GRIK4: variants seen among roughly 807,000 people sequenced by gnomAD.
The protein encoded by GRIK4 is glutamate receptor ionotropic, kainate 4.
In GRIK4, 40 loss-of-function variants were observed where a neutral mutation model predicts 104.9. That is an observed-to-expected ratio of 0.38 (90% CI 0.30 to 0.50). The LOEUF is 0.50. Ranked by LOEUF, GRIK4 falls within the 20% of genes least tolerant of loss-of-function variation. The pLI is 0.93. For synonymous variants in GRIK4, 485 were observed against 524.9 expected (o/e 0.92, Z 1.04); for missense variants, 1,047 against 1,308.1 (o/e 0.80, Z 3.08).
chr11:120,953,072 A>G lies in GRIK4; in HGVS notation c.1700+108A>G. 1.4e-6 allele frequency: 1 copy of G among 720,094 alleles called. No homozygotes were observed. The highest frequency in any genetic ancestry group is 2.4e-6 in the Non-Finnish European group (1 of 417,014). 44.6% of individuals were successfully genotyped at this position (720,094 alleles called of 1,614,324 possible). On this transcript the variant is annotated intron_variant, in intron 15 of 20. Coordinates refer to ENST00000527524, the MANE Select transcript of GRIK4 (RefSeq NM_014619.5). This position sits in a 1 kb window ranked among gnomAD's most constrained non-coding sequence, Gnocchi z 4.9. Reference sequence around the variant, plus strand: ...AGGAGAGGGGGAGGAGGAGTTGGGAAGATCTTGGTGCCAAACTAGAAGGAC... The same window carrying G: ...AGGAGAGGGGGAGGAGGAGTTGGGAGGATCTTGGTGCCAAACTAGAAGGAC...
intron 8 of GRIK4, among the ~76,000 whole-genome samples, chr11:120,855,822 CAAAATG>C (rs1954092211): frequency 6.6e-6 from 1 of 152,228 alleles, no homozygotes; most frequent in Non-Finnish European, 1.5e-5. Flanking sequence ...CTTGGCCTCG[CAAAATG>C]CTGGGATTAT....
intron 3 of GRIK4, among the ~76,000 whole-genome samples, chr11:120,686,391 A>G (rs529874183): frequency 6.6e-6 from 1 of 152,320 alleles, no homozygotes; most frequent in South Asian, 2.1e-4. Flanking sequence ...CACTTATAGT[A>G]CCTAAATCAC....
intron 20 of GRIK4, among the ~76,000 whole-genome samples, chr11:120,983,484 G>A (rs1944686386): frequency 6.6e-6 from 1 of 152,210 alleles, no homozygotes; most frequent in Non-Finnish European, 1.5e-5. Context: ...GGACTTTGGT[G>A]TGTCCCTTGA....
chr11:120,666,666 G>A (rs1425441059), intron 3 of GRIK4, among the ~76,000 whole-genome samples: 1 of 152,192 alleles, frequency 6.6e-6, no homozygotes, highest in Non-Finnish European at 1.5e-5. Flanking sequence ...TTGGTATGTG[G>A]CTGCCTGTGT....
rs150882527 is a variant in GRIK4, at chr11:120,608,053, C to T, written c.-158-45632C>T. Among the ~76,000 whole-genome samples, 5 of 152,196 alleles carry T rather than the reference C, an allele frequency of 3.3e-5. No individual in the cohort carries two copies. The South Asian group carries it at 6.2e-4, about 19-fold the overall frequency. On this transcript the variant is annotated intron_variant, in intron 1 of 20. Coordinates refer to ENST00000527524, the MANE Select transcript of GRIK4 (RefSeq NM_014619.5). ...GGCTTTTGCAGGGAATGTTTTCAGT[C>T]GTGTGGTAAGGAGCAGAAGCCAGAG...
chr11:120,659,193 T>C (rs962981770), intron 2 of GRIK4, among the ~76,000 whole-genome samples: 2 of 152,086 alleles, frequency 1.3e-5, no homozygotes, highest in Admixed American at 1.3e-4. Context: ...ACGTGCTGCC[T>C]TGGGGAGAGG....
intron 9 of GRIK4, chr11:120,870,306 T>C (rs954288521): frequency 1.3e-5 from 2 of 152,196 alleles, no homozygotes; most frequent in African/African-American, 4.8e-5. Context: ...GAATGGGTGC[T>C]AGGTAGGCAG....
intron 19 of GRIK4, among the ~76,000 whole-genome samples, chr11:120,981,761 G>A (rs1591357021): frequency 1.3e-5 from 2 of 152,122 alleles, no homozygotes; most frequent in East Asian, 3.8e-4. Context: ...GTATTTTGGT[G>A]TCATGTCTCT....
chr11:120,547,153 C>T (rs1158503963), intron 1 of GRIK4, among the ~76,000 whole-genome samples: 3 of 152,230 alleles, frequency 2.0e-5, no homozygotes, highest in Non-Finnish European at 2.9e-5. Context: ...CTCCACTCAT[C>T]CTCAGGAGCC....
intron 1 of GRIK4, among the ~76,000 whole-genome samples, chr11:120,597,483 G>A (rs996164458): frequency 3.3e-5 from 5 of 152,146 alleles, no homozygotes; most frequent in Admixed American, 3.3e-4. Context: ...ACCGAGCCCC[G>A]GGCGCCCCCA....
intron 1 of GRIK4, among the ~76,000 whole-genome samples, chr11:120,645,057 T>C (rs967982644): frequency 7.9e-5 from 12 of 152,206 alleles, no homozygotes; most frequent in Admixed American, 2.6e-4. Context: ...TATGTACATA[T>C]GTGTGTACGG....
intron 1 of GRIK4, among the ~76,000 whole-genome samples, chr11:120,599,282 T>C (rs1317201217): frequency 6.6e-6 from 1 of 152,244 alleles, no homozygotes; most frequent in Non-Finnish European, 1.5e-5. Flanking sequence ...ATGATTGTTA[T>C]TAATATTTCC....
intron 1 of GRIK4, among the ~76,000 whole-genome samples, chr11:120,514,579 G>A (rs1370891245): frequency 1.3e-5 from 2 of 152,058 alleles, no homozygotes; most frequent in African/African-American, 4.8e-5. Context: ...ATGGCTCACC[G>A]TTTTCACCCC....
intron 3 of GRIK4, among the ~76,000 whole-genome samples, chr11:120,741,337 G>T (rs1003231603): frequency 6.8e-6 from 1 of 146,604 alleles, no homozygotes; most frequent in African/African-American, 2.5e-5. Context: ...GGAGTGCAGC[G>T]GTGCGACCTT....
rs532529115 is a variant in GRIK4, at chr11:120,790,338, A to G, written c.83-12355A>G. ...TAGAAAGCAAACGATTAAGTACTAA[A>G]TGAATGGTGCACACAATAAGTGCTT... is the stretch of plus-strand genomic sequence containing the variant. On this transcript the variant is annotated intron_variant, in intron 3 of 20. Coordinates refer to ENST00000527524, the MANE Select transcript of GRIK4 (RefSeq NM_014619.5). Among the ~76,000 whole-genome samples, 4 of 152,318 alleles carry G rather than the reference A, an allele frequency of 2.6e-5. No individual in the cohort carries two copies. In the East Asian group the frequency reaches 7.7e-4, roughly 29 times the overall value.
At chr11:120,885,038 A>G (rs1282475981) in intron 11 of GRIK4, among the ~76,000 whole-genome samples, 5 of 152,246 alleles carry the variant, frequency 3.3e-5, no homozygotes, top group South Asian at 4.1e-4. Flanking sequence ...TGTGTTATTA[A>G]TACAACCAGC....
At chr11:120,752,019 G>A (rs928413024) in intron 3 of GRIK4, among the ~76,000 whole-genome samples, 1 of 152,082 alleles carries the variant, frequency 6.6e-6, no homozygotes, top group Non-Finnish European at 1.5e-5. Flanking sequence ...GTAAGATGCC[G>A]GGTGTTCCCT....
In GRIK4 at chr11:120,686,525, G is replaced by A. The variant is rs78767234; in HGVS notation, c.82+26125G>A. Among the ~76,000 whole-genome samples the A allele has an allele frequency of 8.1e-4, 124 of 152,322 alleles. 3 individuals carry two copies. In the East Asian group the frequency reaches 0.024, roughly 29 times the overall value. On this transcript the variant is annotated intron_variant, in intron 3 of 20. Coordinates refer to ENST00000527524, the MANE Select transcript of GRIK4 (RefSeq NM_014619.5). ...CCCCAGGGGGCCTCACACAGTGCCT[G>A]TGTACCATACCAGGGAAGCTCACAA...
rs769074068 is a variant in GRIK4, at chr11:120,697,353, C to T, written c.82+36953C>T. Among the ~76,000 whole-genome samples, 6 of 152,304 alleles carry T rather than the reference C, an allele frequency of 3.9e-5. No homozygotes were observed. The East Asian group carries it at 5.8e-4, about 15-fold the overall frequency. On this transcript the variant is annotated intron_variant, in intron 3 of 20. Coordinates refer to ENST00000527524, the MANE Select transcript of GRIK4 (RefSeq NM_014619.5). ...TTATGGAGCTGGGCGCAGTGGCTCA[C>T]GCCTGTAATCCCAGCATCTTGGGAG...
Sources: allele counts gnomAD v4.1 joint callset (sites outside exome capture counted in the v4.1 genomes callset), GRCh38; gene constraint gnomAD v4.1.1; non-coding constraint Gnocchi (gnomAD v3.1); transcripts MANE v1.5; gene names NCBI Gene and HGNC (gene_info 2026-07-23, HGNC 2026-07-21).